The following APEH variants were observed in gnomAD, a reference collection of about 807,000 sequenced individuals.
APEH encodes acylamino-acid-releasing enzyme.
A neutral mutation model predicts 102.7 loss-of-function variants in APEH; 75 were observed. The observed-to-expected ratio is 0.73, with a 90% CI of 0.61 to 0.89. The LOEUF is 0.89. Ranked by LOEUF, APEH falls within the 40% of genes least tolerant of loss-of-function variation. The pLI is 0.00. For synonymous variants in APEH, 344 were observed against 362.7 expected, an observed-to-expected ratio of 0.95 and a Z score of 0.59; for missense variants, 863 against 941.2, an observed-to-expected ratio of 0.92 and a Z score of 1.09.
Position 49,681,213 on chromosome 3 carries a change from C to T in APEH, c.1412C>T (p.Pro471Leu), listed in dbSNP as rs1373085993. Reference protein sequence around the residue: ...IHWGIRVLQPPPEQENVQYAG... With the variant: ...IHWGIRVLQPLPEQENVQYAG... Reference sequence around the variant, plus strand: ...TGGGGCATCCGGGTGCTACAGCCACCCCCAGAGCAAGAGAATGTGCAGTAT... The same window carrying T: ...TGGGGCATCCGGGTGCTACAGCCACTCCCAGAGCAAGAGAATGTGCAGTAT... Residue 471 changes from proline (P) to leucine (L), a missense_variant, in exon 15 of 22, where the codon CCC becomes CTC. By Grantham distance (98) the Pro-to-Leu change is moderately conservative. Coordinates refer to ENST00000296456, the MANE Select transcript of APEH (RefSeq NM_001640.4). The T allele has an allele frequency of 1.9e-6, 3 of 1,604,954 alleles. No homozygotes were observed. The East Asian group carries it at 6.7e-5, about 36-fold the overall frequency.
At chr3:49,676,025 GC>G (rs766681463) in intron 5 of APEH, 30 bp from the exon 6 acceptor site, 2 of 1,613,966 alleles carry the variant, frequency 1.2e-6, no homozygotes, top group African/African-American at 1.3e-5. Flanking sequence ...GTAGCCCTGG[GC>G]CCCCCCTGAT....
chr3:49,674,874 G>C (rs768122045), intron 2 of APEH, among the ~76,000 whole-genome samples: 10 of 152,172 alleles, frequency 6.6e-5, no homozygotes, highest in Non-Finnish European at 1.5e-4. Context: ...CCTGGGCTCA[G>C]GGCGTGGACC....
At chr3:49,674,341 C>T (rs747957482), upstream of APEH, 3 of 1,527,324 alleles carry the variant, frequency 2.0e-6, no homozygotes, top group Admixed American at 2.0e-5. Flanking sequence ...GCTCCGCCCC[C>T]GGAAGCCTCA....
intron 10 of APEH, 87 bp downstream of exon 10, chr3:49,677,111 A>C: frequency 2.5e-6 from 4 of 1,570,342 alleles, no homozygotes; most frequent in Non-Finnish European, 3.5e-6. Flanking sequence ...TCATCTCCCC[A>C]TAGGCCCTCA....
At chr3:49,673,801 C>CCTCACGCTCACGCCCACG (rs1553671754), upstream of APEH, among the ~76,000 whole-genome samples, 1 of 145,580 alleles carries the variant, frequency 6.9e-6, no homozygotes, top group Non-Finnish European at 1.5e-5. Context: ...CAACCCTCAC[C>CCTCACGCTCACGCCCACG]CTCACGCTCA....
chr3:49,675,089 A>T, intron 2 of APEH, 94 bp from the exon 3 acceptor site: 2 of 1,517,834 alleles, frequency 1.3e-6, no homozygotes. Flanking sequence ...AGATTGGGGA[A>T]GATAGATCTA....
chr3:49,674,227 C>T (rs1249499185), upstream of APEH: 34 of 818,108 alleles, frequency 4.2e-5, no homozygotes, highest in East Asian at 7.9e-4. Flanking sequence ...GTCCTCTCAC[C>T]GTCAAGGCCC....
At chr3:49,675,343 C>T in intron 3 of APEH, 34 bp downstream of exon 3, 1 of 1,610,752 alleles carries the variant, frequency 6.2e-7, no homozygotes, top group Non-Finnish European at 8.5e-7. Context: ...TGGGCAAGGC[C>T]ACAGCCGTCC....
upstream of APEH, among the ~76,000 whole-genome samples, chr3:49,673,730 G>A (rs971977272): frequency 6.6e-6 from 1 of 152,152 alleles, no homozygotes; most frequent in Non-Finnish European, 1.5e-5. Flanking sequence ...GGACCCGAAG[G>A]AACCCTACAG....
At chr3:49,676,016 T>G in intron 5 of APEH, 40 bp from the exon 6 acceptor site, 1 of 1,614,140 alleles carries the variant, frequency 6.2e-7, no homozygotes, top group Non-Finnish European at 8.5e-7. Flanking sequence ...GGGGTAGCCG[T>G]AGCCCTGGGC....
At chr3:49,673,275 C>T (rs2052858151), upstream of APEH, among the ~76,000 whole-genome samples, 5 of 151,790 alleles carry the variant, frequency 3.3e-5, no homozygotes, top group South Asian at 1.0e-3. Context: ...GAGGGAACAT[C>T]CTTACTGTCC....
upstream of APEH, chr3:49,674,128 C>T: frequency 1.9e-6 from 1 of 527,396 alleles, no homozygotes; most frequent in Non-Finnish European, 3.3e-6. Flanking sequence ...GCCCAGGACT[C>T]AGCCCACGGC....
upstream of APEH, among the ~76,000 whole-genome samples, chr3:49,673,310 C>A (rs986000504): frequency 7.2e-5 from 11 of 151,830 alleles, no homozygotes; most frequent in Non-Finnish European, 8.8e-5. Flanking sequence ...TCTGTTGGCA[C>A]CTTAGCCCAG....
chr3:49,676,200 A>C lies in APEH; in HGVS notation c.587A>C (p.Lys196Thr). 1.3e-5 allele frequency: 21 copies of C among 1,614,028 alleles called. No individual in the cohort carries two copies. Among genetic ancestry groups the C allele is most frequent in the Non-Finnish European group, 1.8e-5 (21 of 1,179,998 alleles). ...GATGATGAGATAGCCAGGCTGAAGA[A>C]GCCAGACCAAGCCATCAAGGTGCTC... ...ASDDEIARLK[K>T]PDQAIKGDQF... Residue 196 changes from lysine to threonine, a missense_variant, in exon 6 of 22, where the codon AAG (lysine) becomes ACG (threonine). Physicochemically the swap from Lys to Thr is moderately conservative, Grantham distance 78. Coordinates refer to ENST00000296456, the MANE Select transcript of APEH (RefSeq NM_001640.4).
upstream of APEH, chr3:49,674,012 T>C: frequency 3.2e-6 from 1 of 308,570 alleles, no homozygotes; most frequent in South Asian, 5.0e-5. Flanking sequence ...CTCAACCCCT[T>C]CTCTCGTAGG....
Position 49,677,035 on chromosome 3 carries a change from GGT to G in APEH, c.999+13_999+14del. On this transcript the variant is annotated intron_variant, in intron 10 of 21. Coordinates refer to ENST00000296456, the MANE Select transcript of APEH (RefSeq NM_001640.4). The stretch of plus-strand genomic sequence containing the variant: ...AGCCAGCTGTGCCTGGTGAGCTGGA[GGT>G]GGCAGGGATGGGAGGGTGGTCAGCA... 6.2e-7 allele frequency: 1 copy of G among 1,614,046 alleles called. No individual in the cohort carries two copies. The highest frequency in any genetic ancestry group is 8.5e-7 in the Non-Finnish European group (1 of 1,180,034).
At chr3:49,678,596 C>G (rs1194717626) in intron 11 of APEH, among the ~76,000 whole-genome samples, 1 of 152,158 alleles carries the variant, frequency 6.6e-6, no homozygotes, top group East Asian at 1.9e-4. Flanking sequence ...CTCTGAGCAC[C>G]CATGGTTTCT....
At position 49,682,690 on chromosome 3, in the gene APEH, G is replaced by A. The variant is rs769034633; in HGVS notation, c.1837G>A (p.Val613Met). 9.9e-6 allele frequency: 16 copies of A among 1,613,840 alleles called. No homozygotes were observed. The highest frequency in any genetic ancestry group is 4.4e-5 in the South Asian group (4 of 91,088). The change falls in exon 19 of 22, where the codon GTG becomes ATG. Residue 613 changes from valine (V) to methionine (M), a missense_variant. Physicochemically the swap from Val to Met is conservative, Grantham distance 21. Coordinates refer to ENST00000296456, the MANE Select transcript of APEH (RefSeq NM_001640.4). The part of the protein sequence containing the change: ...TYRACVARNP[V>M]INIASMLGST... ...CAGGGCCTGCGTGGCCCGGAACCCC[G>A]TGATCAACATCGCCTCCATGTTGGG... is the stretch of plus-strand genomic sequence containing the variant.
intron 6 of APEH, 62 bp from the exon 7 acceptor site, chr3:49,676,316 G>C: frequency 1.9e-6 from 3 of 1,612,470 alleles, no homozygotes; most frequent in Non-Finnish European, 2.5e-6. Context: ...GGAGGCACTA[G>C]CTTTTAGGAA....
Sources: gnomAD v4.1 joint callset for allele counts (sites outside exome capture counted in the v4.1 genomes callset) on GRCh38, gnomAD v4.1.1 for gene constraint, MANE v1.5 for transcripts, NCBI Gene and HGNC (gene_info 2026-07-23, HGNC 2026-07-21) for gene names.